ALG5: variants seen among roughly 807,000 people sequenced by gnomAD.
ALG5 encodes dolichyl-phosphate beta-glucosyltransferase.
A neutral mutation model predicts 51.8 loss-of-function variants in ALG5; 26 were observed. That is an observed-to-expected ratio of 0.50 (90% confidence interval 0.37 to 0.70). The LOEUF (loss-of-function observed/expected upper bound fraction) is 0.70. Among genes scored for constraint, ALG5 ranks in the 30% least tolerant of loss-of-function variants. The pLI is 0.00. For synonymous variants in ALG5, 141 were observed against 136.1 expected, an observed-to-expected ratio of 1.04 and a Z score of -0.25; for missense variants, 311 against 399.3, an observed-to-expected ratio of 0.78 and a Z score of 1.88.
chr13:36,976,547 A>G (rs2058952343), intron 6 of ALG5, among the ~76,000 whole-genome samples: 1 of 152,092 alleles, frequency 6.6e-6, no homozygotes, highest in South Asian at 2.1e-4. Flanking sequence ...CAGGAGTTCA[A>G]GACTAGCCTG....
intron 2 of ALG5, 97 bp from the exon 3 acceptor site, chr13:36,995,132 C>T: frequency 9.5e-7 from 1 of 1,052,148 alleles, no homozygotes; most frequent in Non-Finnish European, 1.4e-6. Flanking sequence ...AATAATCTAA[C>T]AAGCCCCTCT....
intron 1 of ALG5, among the ~76,000 whole-genome samples, chr13:36,998,215 C>T (rs1416638126): frequency 6.6e-6 from 1 of 152,106 alleles, no homozygotes; most frequent in Non-Finnish European, 1.5e-5. Context: ...ATCAATCAAT[C>T]AATCAATCAA....
intron 7 of ALG5, among the ~76,000 whole-genome samples, chr13:36,965,963 G>C (rs1460955965): frequency 1.3e-5 from 2 of 152,212 alleles, no homozygotes. Context: ...TGGAGGTTGA[G>C]TCAGACAAGC....
chr13:36,977,346 A>G (rs1335179526), intron 6 of ALG5, among the ~76,000 whole-genome samples: 1 of 152,120 alleles, frequency 6.6e-6, no homozygotes, highest in Non-Finnish European at 1.5e-5. Context: ...TTAAGTTACT[A>G]TGACAGTTGG....
chr13:36,978,979 G>T (rs1261309460), intron 6 of ALG5, among the ~76,000 whole-genome samples: 1 of 151,636 alleles, frequency 6.6e-6, no homozygotes, highest in East Asian at 1.9e-4. Flanking sequence ...ACAGGTACTG[G>T]TTGAGTGCTG....
At chr13:36,994,777 C>T (rs1000993630) in intron 3 of ALG5, among the ~76,000 whole-genome samples, 1 of 151,786 alleles carries the variant, frequency 6.6e-6, no homozygotes, top group African/African-American at 2.4e-5. Flanking sequence ...CAGAAATTTT[C>T]GCTTCCTGGT....
intron 7 of ALG5, among the ~76,000 whole-genome samples, chr13:36,966,690 C>A (rs2058895152): frequency 6.6e-6 from 1 of 152,108 alleles, no homozygotes; most frequent in Non-Finnish European, 1.5e-5. Flanking sequence ...AAGACACGAT[C>A]TTTTAAAATG....
At chr13:36,967,815 A>G (rs1203676812) in intron 7 of ALG5, 8 of 1,232,672 alleles carry the variant, frequency 6.5e-6, no homozygotes, top group African/African-American at 1.5e-5. Flanking sequence ...ATGCTTAGGA[A>G]AGGAACAAAT....
At chr13:36,950,145 G>T in intron 9 of ALG5, 88 bp from the exon 10 acceptor site, 2 of 766,140 alleles carry the variant, frequency 2.6e-6, no homozygotes, top group Non-Finnish European at 4.1e-6. Context: ...CATGATCGTT[G>T]TGAGCCTTTA....
intron 8 of ALG5, among the ~76,000 whole-genome samples, chr13:36,956,416 T>C (rs572177391): frequency 1.8e-3 from 268 of 152,294 alleles, no homozygotes; most frequent in African/African-American, 6.2e-3. Flanking sequence ...GGAAAGTGTA[T>C]GGAGGTCCCT....
chr13:36,978,021 C>T lies in ALG5; in HGVS notation c.562-5985G>A, dbSNP rs374594375. ...CTTGCCTCAGCCTCCCGAGTAGCTG[C>T]GATTACAGGCACGTGGCACCATGCC... is the stretch of plus-strand genomic sequence containing the variant. On this transcript the variant is annotated intron_variant, in intron 6 of 9. Transcript: ENST00000239891. Among the ~76,000 whole-genome samples, 38 of 149,750 alleles carry T rather than the reference C, an allele frequency of 2.5e-4. 1 individual carries two copies. In the East Asian group the frequency reaches 6.1e-3, roughly 24 times the overall value.
At chr13:36,977,317 G>T (rs955683378) in intron 6 of ALG5, among the ~76,000 whole-genome samples, 2 of 152,036 alleles carry the variant, frequency 1.3e-5, no homozygotes. Context: ...AATTTCCCAT[G>T]GTTTTTTAAA....
intron 8 of ALG5, among the ~76,000 whole-genome samples, chr13:36,964,602 A>G (rs994047686): frequency 8.5e-5 from 13 of 152,154 alleles, no homozygotes; most frequent in African/African-American, 3.1e-4. Flanking sequence ...GTGGTCATTT[A>G]ACATGACCAC....
At chr13:36,996,142 A>G (rs1226639118) in intron 1 of ALG5, among the ~76,000 whole-genome samples, 1 of 152,202 alleles carries the variant, frequency 6.6e-6, no homozygotes, top group African/African-American at 2.4e-5. Flanking sequence ...ATGTTTAAGA[A>G]TATGTTTTTG....
At chr13:36,983,035 T>G (rs2138816142) in intron 6 of ALG5, among the ~76,000 whole-genome samples, 1 of 152,334 alleles carries the variant, frequency 6.6e-6, no homozygotes, top group Non-Finnish European at 1.5e-5. Context: ...TCAGAACTCC[T>G]TTTCTTTACA....
chr13:36,974,978 C>T (rs187683596), intron 6 of ALG5, among the ~76,000 whole-genome samples: 138 of 152,186 alleles, frequency 9.1e-4, no homozygotes, highest in Non-Finnish European at 1.6e-3. Flanking sequence ...TTTGGGTGGC[C>T]GAGGCAGGCA....
intron 7 of ALG5, among the ~76,000 whole-genome samples, chr13:36,967,001 T>C (rs1288556946): frequency 6.6e-6 from 1 of 151,702 alleles, no homozygotes; most frequent in Non-Finnish European, 1.5e-5. Context: ...GGCAGGTGGA[T>C]TGCTTGAGGT....
chr13:36,950,900 T>C (rs1272565930), intron 9 of ALG5, among the ~76,000 whole-genome samples: 2 of 152,192 alleles, frequency 1.3e-5, no homozygotes, highest in African/African-American at 4.8e-5. Flanking sequence ...CAGATTCTTA[T>C]AACCATTACT....
chr13:36,976,868 G>T (rs2058954464), intron 6 of ALG5, among the ~76,000 whole-genome samples: 1 of 152,142 alleles, frequency 6.6e-6, no homozygotes, highest in Non-Finnish European at 1.5e-5. Flanking sequence ...TTCTTAGAGA[G>T]GAAGCATGTT....
Sources: allele counts gnomAD v4.1 joint callset (sites outside exome capture counted in the v4.1 genomes callset), GRCh38; gene constraint gnomAD v4.1.1; transcripts MANE v1.5; gene names NCBI Gene and HGNC (gene_info 2026-07-23, HGNC 2026-07-21).